The following PPM1E variants were observed in gnomAD, a reference collection of about 807,000 sequenced individuals.
PPM1E encodes the protein protein phosphatase, Mg2+/Mn2+ dependent 1E.
A neutral mutation model predicts 65.9 loss-of-function variants in PPM1E; 20 were observed. The ratio of observed to expected loss-of-function variants is 0.30; its 90% CI spans 0.21 to 0.44. The LOEUF is 0.44. Ranked by LOEUF, PPM1E falls within the 20% of genes least tolerant of loss-of-function variation. The pLI, the probability that PPM1E is intolerant of heterozygous loss-of-function variation, is 1.00. For synonymous variants in PPM1E, 352 were observed against 374.9 expected, an observed-to-expected ratio of 0.94 and a Z score of 0.70; for missense variants, 713 against 953.1, an observed-to-expected ratio of 0.75 and a Z score of 3.32.
intron 1 of PPM1E, among the ~76,000 whole-genome samples, chr17:58,775,652 C>T (rs1024407382): frequency 2.6e-5 from 4 of 152,020 alleles, no homozygotes; most frequent in African/African-American, 7.2e-5. Flanking sequence ...CAGTGGCTCA[C>T]GCCTGTAATC....
chr17:58,856,373 G>T (rs1197303873), intron 1 of PPM1E, among the ~76,000 whole-genome samples: 1 of 152,068 alleles, frequency 6.6e-6, no homozygotes, highest in Non-Finnish European at 1.5e-5. Context: ...CTAGTAGCTG[G>T]GATTACAGGC....
chr17:58,830,292 G>GTTGTTA lies in PPM1E; in HGVS notation c.464+73833_464+73834insGTTATT, dbSNP rs1555612724. ...AGCTTTCACTGTTGTTGTTGTTGTT[G>GTTGTTA]TTATTATTATTATTATTATTATTAT... is the stretch of plus-strand genomic sequence containing the variant. On this transcript the variant is annotated intron_variant, in intron 1 of 6. Coordinates refer to ENST00000308249, the MANE Select transcript of PPM1E (RefSeq NM_014906.5). 2.5e-3 allele frequency among the ~76,000 whole-genome samples: 361 copies of GTTGTTA among 146,822 alleles called. 3 individuals are homozygous for GTTGTTA. Among genetic ancestry groups the GTTGTTA allele is most frequent in the African/African-American group, 8.6e-3 (339 of 39,372 alleles).
chr17:58,844,956 A>G (rs2050756520), intron 1 of PPM1E, among the ~76,000 whole-genome samples: 1 of 152,194 alleles, frequency 6.6e-6, no homozygotes, highest in Non-Finnish European at 1.5e-5. Context: ...TTATTCAAGC[A>G]TTATTGAGTG....
intron 1 of PPM1E, among the ~76,000 whole-genome samples, chr17:58,890,546 G>A (rs1256643745): frequency 2.6e-5 from 4 of 152,120 alleles, no homozygotes; most frequent in Non-Finnish European, 5.9e-5. Flanking sequence ...TATTGACTTA[G>A]GGGTTACAAA....
At chr17:58,767,312 G>T (rs1358710702) in intron 1 of PPM1E, among the ~76,000 whole-genome samples, 4 of 152,136 alleles carry the variant, frequency 2.6e-5, no homozygotes, top group Non-Finnish European at 5.9e-5. Flanking sequence ...GAGGCACACA[G>T]AATTTAAAGA....
intron 1 of PPM1E, among the ~76,000 whole-genome samples, chr17:58,874,545 T>C (rs2051108026): frequency 6.6e-6 from 1 of 152,242 alleles, no homozygotes; most frequent in Non-Finnish European, 1.5e-5. Context: ...AGATGAATTA[T>C]GTTTATACTG....
intron 1 of PPM1E, among the ~76,000 whole-genome samples, chr17:58,774,159 T>C (rs183670780): frequency 6.0e-5 from 8 of 133,792 alleles, no homozygotes; most frequent in Admixed American, 1.6e-4. Flanking sequence ...GGAAACTCTG[T>C]CCCCCCCCCC....
At chr17:58,913,333 C>A (rs566945326) in intron 1 of PPM1E, among the ~76,000 whole-genome samples, 23 of 152,136 alleles carry the variant, frequency 1.5e-4, no homozygotes, top group African/African-American at 5.5e-4. Flanking sequence ...CCATGTCCTA[C>A]AGTTAGCAAG....
At chr17:58,767,783 C>T (rs1376613559) in intron 1 of PPM1E, among the ~76,000 whole-genome samples, 1 of 152,036 alleles carries the variant, frequency 6.6e-6, no homozygotes, top group African/African-American at 2.4e-5. Flanking sequence ...GCTGGGATTA[C>T]AGGCATGCAC....
At chr17:58,766,399 A>G (rs759909714) in intron 1 of PPM1E, among the ~76,000 whole-genome samples, 2 of 149,938 alleles carry the variant, frequency 1.3e-5, no homozygotes, top group Non-Finnish European at 3.0e-5. Flanking sequence ...ACAGGGTTTC[A>G]TCATGTTGGT....
In PPM1E at chr17:58,795,297, A is replaced by T. The variant is rs540354716; in HGVS notation, c.464+38836A>T. Reference sequence around the variant, plus strand: ...TCTGTTTTAAGTTCTTTCAGAAATCACCAAACTGCTTTTCACAATGGGTGA... The same window carrying T: ...TCTGTTTTAAGTTCTTTCAGAAATCTCCAAACTGCTTTTCACAATGGGTGA... On this transcript the variant is annotated intron_variant, in intron 1 of 6. Coordinates refer to ENST00000308249, the MANE Select transcript of PPM1E (RefSeq NM_014906.5). Among the ~76,000 whole-genome samples, 7 of 152,318 alleles carry T rather than the reference A, an allele frequency of 4.6e-5. No individual in the cohort carries two copies. The East Asian group carries it at 1.3e-3, about 29-fold the overall frequency.
intron 1 of PPM1E, among the ~76,000 whole-genome samples, chr17:58,898,659 G>A (rs1224691475): frequency 6.6e-6 from 1 of 152,106 alleles, no homozygotes; most frequent in Non-Finnish European, 1.5e-5. Flanking sequence ...CCATTACTGG[G>A]CATATACCCA....
intron 1 of PPM1E, among the ~76,000 whole-genome samples, chr17:58,875,415 T>G (rs1359080205): frequency 6.6e-6 from 1 of 152,194 alleles, no homozygotes; most frequent in East Asian, 1.9e-4. Flanking sequence ...CAAGTTTGCT[T>G]TGATCTTTTT....
chr17:58,808,119 A>G (rs1030015973), intron 1 of PPM1E, among the ~76,000 whole-genome samples: 1 of 152,170 alleles, frequency 6.6e-6, no homozygotes, highest in Non-Finnish European at 1.5e-5. Flanking sequence ...TCAAGTTATC[A>G]TATTTTCATG....
chr17:58,965,281 C>T (rs904135902), intron 2 of PPM1E, among the ~76,000 whole-genome samples: 8 of 152,068 alleles, frequency 5.3e-5, no homozygotes, highest in East Asian at 1.9e-4. Context: ...AATTGGACTA[C>T]GGAAGCAGTG....
In PPM1E at chr17:58,828,016, C is replaced by T. The variant is rs181423468; in HGVS notation, c.464+71555C>T. 1.0e-3 allele frequency among the ~76,000 whole-genome samples: 151 copies of T among 151,128 alleles called. 1 individual carries two copies. The highest frequency in any genetic ancestry group is 6.9e-3 in the Middle Eastern group (2 of 288). On this transcript the variant is annotated intron_variant, in intron 1 of 6. Coordinates refer to ENST00000308249, the MANE Select transcript of PPM1E (RefSeq NM_014906.5). ...GGCAGATCACCCGAGGTCAGGAGTT[C>T]GAGACCAGCTTGGCCAACATGGTGA...
At chr17:58,798,155 A>ACATTCTGAATATCGT (rs2050223008) in intron 1 of PPM1E, among the ~76,000 whole-genome samples, 1 of 151,802 alleles carries the variant, frequency 6.6e-6, no homozygotes, top group Admixed American at 6.6e-5. Context: ...AGTTCCTAAC[A>ACATTCTGAATATCGT]CATTCTGAAT....
intron 2 of PPM1E, among the ~76,000 whole-genome samples, chr17:58,957,571 C>T (rs1269729660): frequency 1.3e-5 from 2 of 151,962 alleles, no homozygotes; most frequent in Non-Finnish European, 2.9e-5. Flanking sequence ...TGAACTGCAC[C>T]ACAGAGAATC....
chr17:58,820,199 A>G lies in PPM1E; in HGVS notation c.464+63738A>G, dbSNP rs547889810. Among the ~76,000 whole-genome samples the G allele has an allele frequency of 3.9e-5, 6 of 152,192 alleles. No individual in the cohort carries two copies. The South Asian group carries it at 1.0e-3, about 26-fold the overall frequency. ...CCTCCCACCAGGCCCCACCTCCAAC[A>G]TTGGGGATTACAATTGGACATGAGA... On this transcript the variant is annotated intron_variant, in intron 1 of 6. Transcript: ENST00000308249.
Sources: gnomAD v4.1 joint callset for allele counts (sites outside exome capture counted in the v4.1 genomes callset) on GRCh38, gnomAD v4.1.1 for gene constraint, MANE v1.5 for transcripts, NCBI Gene and HGNC (gene_info 2026-07-23, HGNC 2026-07-21) for gene names.